Variants in FBXL17 observed in about 807,000 individuals in gnomAD.
FBXL17 encodes the protein F-box and leucine rich repeat protein 17.
FBXL17 carries 22 observed loss-of-function variants against 66.2 expected under a neutral mutation model. That is an observed-to-expected ratio of 0.33 (90% confidence interval 0.24 to 0.47). FBXL17 has a LOEUF of 0.47. Ranked by LOEUF, FBXL17 falls within the 20% of genes least tolerant of loss-of-function variation. The probability of loss-of-function intolerance (pLI) is 1.00; values close to 1 mark genes in which losing one functional copy is unlikely to be tolerated. For synonymous variants in FBXL17, 474 were observed against 400.5 expected (o/e 1.18, Z -2.19); for missense variants, 878 against 948.2 (o/e 0.93, Z 0.97).
intron 6 of FBXL17, among the ~76,000 whole-genome samples, chr5:108,031,959 G>A (rs1463903758): frequency 1.3e-5 from 2 of 152,024 alleles, no homozygotes; most frequent in African/African-American, 4.8e-5. Flanking sequence ...ATTTTGTGAA[G>A]GTTACATTTC....
intron 6 of FBXL17, among the ~76,000 whole-genome samples, chr5:108,088,300 A>G (rs1249558357): frequency 6.6e-6 from 1 of 152,220 alleles, no homozygotes; most frequent in African/African-American, 2.4e-5. Flanking sequence ...AAGACATTCA[A>G]TTCACAAAAT....
At chr5:108,371,369 G>A (rs937363983) in intron 1 of FBXL17, among the ~76,000 whole-genome samples, 1 of 152,220 alleles carries the variant, frequency 6.6e-6, no homozygotes, top group Non-Finnish European at 1.5e-5. Flanking sequence ...ACAGGTGGCT[G>A]TATCTCTGAG....
intron 6 of FBXL17, among the ~76,000 whole-genome samples, chr5:108,163,634 C>T (rs191937899): frequency 6.6e-6 from 1 of 152,256 alleles, no homozygotes; most frequent in Admixed American, 6.5e-5. Context: ...ATCTCCCGAC[C>T]TCATGATCCG....
At chr5:108,150,128 CAT>C (rs990863568) in intron 6 of FBXL17, among the ~76,000 whole-genome samples, 4 of 152,176 alleles carry the variant, frequency 2.6e-5, no homozygotes, top group African/African-American at 9.7e-5. Flanking sequence ...AACATCATAA[CAT>C]GTTACCCCTA....
chr5:108,071,279 T>C (rs1748321267), intron 6 of FBXL17, among the ~76,000 whole-genome samples: 1 of 152,234 alleles, frequency 6.6e-6, no homozygotes, highest in African/African-American at 2.4e-5. Flanking sequence ...ATGACCCTAC[T>C]ACACTTGACC....
intron 4 of FBXL17, among the ~76,000 whole-genome samples, chr5:108,294,264 CATAT>C (rs35017761): frequency 1.4e-5 from 2 of 142,396 alleles, no homozygotes; most frequent in Admixed American, 7.1e-5. Context: ...ATATTCAGAA[CATAT>C]ATATATATAT....
intron 6 of FBXL17, among the ~76,000 whole-genome samples, chr5:108,097,479 T>G (rs1247474880): frequency 6.6e-6 from 1 of 152,198 alleles, no homozygotes; most frequent in Non-Finnish European, 1.5e-5. Context: ...TTGTTGATAT[T>G]CTGATCTCAA....
chr5:108,354,927 T>C (rs1747878046), intron 3 of FBXL17, among the ~76,000 whole-genome samples: 3 of 151,958 alleles, frequency 2.0e-5, no homozygotes, highest in Admixed American at 6.6e-5. Flanking sequence ...CCTGTGAAAT[T>C]ATCTTTCAAA....
At chr5:108,118,998 C>A (rs769648103) in intron 6 of FBXL17, among the ~76,000 whole-genome samples, 28 of 152,112 alleles carry the variant, frequency 1.8e-4, no homozygotes, top group Non-Finnish European at 3.8e-4. Flanking sequence ...TTTTTTCTGG[C>A]TTAGTTCACC....
At chr5:108,204,024 T>A (rs1039142183) in intron 5 of FBXL17, among the ~76,000 whole-genome samples, 1 of 152,142 alleles carries the variant, frequency 6.6e-6, no homozygotes, top group Non-Finnish European at 1.5e-5. Flanking sequence ...TCTAGCTGTC[T>A]GTTACCTTCC....
chr5:108,093,209 GC>G (rs1749250600), intron 6 of FBXL17, among the ~76,000 whole-genome samples: 1 of 151,040 alleles, frequency 6.6e-6, no homozygotes, highest in African/African-American at 2.4e-5. Context: ...ATTAAAAAAT[GC>G]CATTTTCTGT....
chr5:108,315,829 A>G (rs902573057), intron 4 of FBXL17, among the ~76,000 whole-genome samples: 1 of 151,556 alleles, frequency 6.6e-6, no homozygotes, highest in Admixed American at 6.6e-5. Flanking sequence ...TTTAAAGACC[A>G]ATTAACATGT....
chr5:108,302,153 A>C, intron 4 of FBXL17: 1 of 260,510 alleles, frequency 3.8e-6, no homozygotes, highest in Non-Finnish European at 6.0e-6. Context: ...ATGCAACTAA[A>C]TTGATATATC....
chr5:107,901,869 G>A (rs1238976347), intron 7 of FBXL17, among the ~76,000 whole-genome samples: 1 of 152,172 alleles, frequency 6.6e-6, no homozygotes, highest in Non-Finnish European at 1.5e-5. Context: ...TGAAAGTGGG[G>A]GCTGTGGTAA....
intron 7 of FBXL17, among the ~76,000 whole-genome samples, chr5:107,973,646 G>A (rs1221528966): frequency 6.6e-6 from 1 of 151,930 alleles, no homozygotes; most frequent in Non-Finnish European, 1.5e-5. Flanking sequence ...TTGAATTCTA[G>A]ATCTAGCATT....
intron 8 of FBXL17, 81 bp downstream of exon 8, chr5:107,880,956 A>G (rs1191619227): frequency 1.2e-6 from 2 of 1,610,732 alleles, no homozygotes; most frequent in Admixed American, 3.3e-5. Flanking sequence ...GGGTGGAGAT[A>G]GAGAAGGAGA....
At chr5:107,921,542 C>G (rs531527840) in intron 7 of FBXL17, among the ~76,000 whole-genome samples, 4 of 152,022 alleles carry the variant, frequency 2.6e-5, no homozygotes, top group Non-Finnish European at 2.9e-5. Context: ...AGGGGCTGGT[C>G]GTAAAAAGGA....
chr5:108,046,218 C>T (rs1747248322), intron 6 of FBXL17, among the ~76,000 whole-genome samples: 1 of 152,138 alleles, frequency 6.6e-6, no homozygotes, highest in Non-Finnish European at 1.5e-5. Flanking sequence ...CCTTATCTGT[C>T]TCTTGAAATT....
chr5:107,954,598 A>G (rs1425244024), intron 7 of FBXL17, among the ~76,000 whole-genome samples: 1 of 152,232 alleles, frequency 6.6e-6, no homozygotes, highest in African/African-American at 2.4e-5. Context: ...TCCAAAGTAG[A>G]GAATTCTTTT....
Sources: allele counts gnomAD v4.1 joint callset (sites outside exome capture counted in the v4.1 genomes callset), GRCh38; gene constraint gnomAD v4.1.1; transcripts MANE v1.5; gene names NCBI Gene and HGNC (gene_info 2026-07-23, HGNC 2026-07-21).